The following RARB variants were observed in gnomAD, a reference collection of about 807,000 sequenced individuals.
RARB encodes the protein retinoic acid receptor beta.
A neutral mutation model predicts 51.9 loss-of-function variants in RARB; 17 were observed. The observed-to-expected ratio is 0.33, with a 90% confidence interval of 0.22 to 0.49. The LOEUF (loss-of-function observed/expected upper bound fraction) is 0.49. RARB is among the 20% of genes least tolerant of loss of function. The probability of loss-of-function intolerance (pLI) is 0.99; values close to 1 mark genes in which losing one functional copy is unlikely to be tolerated. For missense variants in RARB, 369 were observed against 550.8 expected (o/e 0.67, Z 3.30); for synonymous variants, 215 against 195.4 (o/e 1.10, Z -0.84).
At chr3:25,250,617 G>A (rs1262654164) in intron 5 of RARB, among the ~76,000 whole-genome samples, 1 of 152,154 alleles carries the variant, frequency 6.6e-6, no homozygotes, top group Non-Finnish European at 1.5e-5. Context: ...GTGGCACCTG[G>A]CTGTGGGCAA....
intron 2 of RARB, among the ~76,000 whole-genome samples, chr3:25,471,159 A>G (rs980358040): frequency 6.6e-6 from 1 of 152,230 alleles, no homozygotes; most frequent in African/African-American, 2.4e-5. Context: ...AATTATATAT[A>G]AACAGGACAA....
At chr3:25,381,910 C>G (rs960884497) in intron 5 of RARB, among the ~76,000 whole-genome samples, 2 of 152,172 alleles carry the variant, frequency 1.3e-5, no homozygotes, top group Non-Finnish European at 2.9e-5. Flanking sequence ...TCTCTACTCT[C>G]AAGCTGCATT....
intron 2 of RARB, among the ~76,000 whole-genome samples, chr3:25,491,526 G>A (rs183420591): frequency 1.4e-4 from 21 of 152,198 alleles, no homozygotes; most frequent in African/African-American, 4.3e-4. Context: ...AGACTGCCAC[G>A]TCCTCATAAA....
intron 2 of RARB, among the ~76,000 whole-genome samples, chr3:25,463,539 T>C (rs1371722846): frequency 1.3e-5 from 2 of 152,016 alleles, no homozygotes; most frequent in African/African-American, 4.8e-5. Flanking sequence ...GGCGCTTGCC[T>C]GTAGTCCCAG....
chr3:24,909,969 C>G (rs1252085646), intron 2 of RARB, among the ~76,000 whole-genome samples: 1 of 152,090 alleles, frequency 6.6e-6, no homozygotes, highest in Non-Finnish European at 1.5e-5. Flanking sequence ...AACATTTATG[C>G]CGCAAAATTG....
At chr3:25,552,213 C>G (rs1362708183) in intron 3 of RARB, among the ~76,000 whole-genome samples, 1 of 152,088 alleles carries the variant, frequency 6.6e-6, no homozygotes, top group East Asian at 1.9e-4. Flanking sequence ...TGTGCAATTT[C>G]CTGAATTTGG....
chr3:25,493,258 C>T (rs1696838078), intron 2 of RARB, among the ~76,000 whole-genome samples: 1 of 152,146 alleles, frequency 6.6e-6, no homozygotes, highest in South Asian at 2.1e-4. Flanking sequence ...AAAAGGTCTT[C>T]ACTTTTCTCT....
intron 1 of RARB, among the ~76,000 whole-genome samples, chr3:24,851,485 G>A (rs1004513418): frequency 6.6e-6 from 1 of 151,282 alleles, no homozygotes; most frequent in Non-Finnish European, 1.5e-5. Flanking sequence ...AAGATTTTCA[G>A]CTGATGCGGT....
At chr3:25,255,166 C>T (rs985560967) in intron 5 of RARB, among the ~76,000 whole-genome samples, 4 of 152,156 alleles carry the variant, frequency 2.6e-5, no homozygotes, top group African/African-American at 7.2e-5. Flanking sequence ...ACTTAGTTCT[C>T]TCATGCAGTC....
intron 5 of RARB, among the ~76,000 whole-genome samples, chr3:25,234,248 C>A (rs1345739628): frequency 6.6e-6 from 1 of 152,114 alleles, no homozygotes; most frequent in Non-Finnish European, 1.5e-5. Flanking sequence ...TATATGTAGA[C>A]TATCCAAGTT....
At position 24,921,835 on chromosome 3, in the gene RARB, G is replaced by A. The variant is rs573423473; in HGVS notation, c.-380+63083G>A. On this transcript the variant is annotated intron_variant, in intron 2 of 11. Transcript: ENST00000383772. ...TAGCAATCCAATGCAGCAATTCTTA[G>A]ATGATGCAGAATCCTAAGAAATTAT... 3.3e-5 allele frequency among the ~76,000 whole-genome samples: 5 copies of A among 152,328 alleles called. No individual in the cohort carries two copies. In the East Asian group the frequency reaches 9.6e-4, roughly 29 times the overall value.
intron 5 of RARB, among the ~76,000 whole-genome samples, chr3:25,298,184 C>CTT (rs5847347): frequency 1.5e-5 from 2 of 136,962 alleles, no homozygotes; most frequent in Non-Finnish European, 1.6e-5. Flanking sequence ...GCTACCAAAT[C>CTT]TTTTTTTTTT....
At chr3:24,908,957 G>C (rs1409522303) in intron 2 of RARB, among the ~76,000 whole-genome samples, 1 of 151,932 alleles carries the variant, frequency 6.6e-6, no homozygotes, top group Non-Finnish European at 1.5e-5. Flanking sequence ...TTTTTTCCAT[G>C]ATATGTCAAT....
intron 3 of RARB, among the ~76,000 whole-genome samples, chr3:25,081,465 C>T (rs1038829656): frequency 3.3e-5 from 5 of 149,480 alleles, no homozygotes; most frequent in Non-Finnish European, 5.9e-5. Context: ...TATTCTACAT[C>T]ATTACTGATT....
intron 5 of RARB, among the ~76,000 whole-genome samples, chr3:25,325,387 C>T (rs1704684750): frequency 6.6e-6 from 1 of 152,086 alleles, no homozygotes; most frequent in Non-Finnish European, 1.5e-5. Context: ...TCTTTGTGTC[C>T]TGTACCTTCT....
intron 1 of RARB, among the ~76,000 whole-genome samples, 186 bp from the exon 2 acceptor site, chr3:25,461,007 G>A (rs565986137): frequency 8.7e-4 from 132 of 152,252 alleles, no homozygotes; most frequent in Non-Finnish European, 1.2e-3. Flanking sequence ...TTTGTAAACC[G>A]TAGAGTACCA....
rs563513842 is a variant in RARB, at chr3:25,552,413, C to T, written c.449-17345C>T. Among the ~76,000 whole-genome samples the T allele has an allele frequency of 9.9e-5, 15 of 151,832 alleles. No individual in the cohort carries two copies. In the East Asian group the frequency reaches 1.9e-3, roughly 20 times the overall value. ...GAAAATGGCTGGGGTTGGGGGAGGG[C>T]GGCCAATTCTTGCTGACTGTGCTTT... is the stretch of plus-strand genomic sequence containing the variant. On this transcript the variant is annotated intron_variant, in intron 3 of 7. Coordinates refer to ENST00000330688, the MANE Select transcript of RARB (RefSeq NM_000965.5).
intron 5 of RARB, among the ~76,000 whole-genome samples, chr3:25,330,286 G>A (rs907012043): frequency 6.6e-6 from 1 of 152,176 alleles, no homozygotes; most frequent in African/African-American, 2.4e-5. Flanking sequence ...TACCCACAAA[G>A]GGAAGCCCAT....
rs1249456325 is a variant in RARB, at chr3:25,428,423, C to T, written c.-309C>T. On this transcript the variant is annotated 5_prime_UTR_variant, in exon 1 of 8. Transcript: ENST00000330688. Reference sequence around the variant, plus strand: ...GTCTGGGCACCGTCGGGGTAGGATCCGGAACGCATTCGGAAGGCTTTTTGC... The same window carrying T: ...GTCTGGGCACCGTCGGGGTAGGATCTGGAACGCATTCGGAAGGCTTTTTGC... The T allele has an allele frequency of 1.5e-5, 19 of 1,276,132 alleles. No individual in the cohort carries two copies. Among genetic ancestry groups the T allele is most frequent in the Admixed American group, 7.4e-5 (2 of 26,890 alleles). 79.1% of individuals were successfully genotyped at this position (1,276,132 alleles called of 1,614,324 possible). A position where few individuals can be genotyped will look rare whatever the true frequency, so the allele number is the denominator to read the frequency against.
Sources: gnomAD v4.1 joint callset for allele counts (sites outside exome capture counted in the v4.1 genomes callset) on GRCh38, gnomAD v4.1.1 for gene constraint, MANE v1.5 for transcripts, NCBI Gene and HGNC (gene_info 2026-07-23, HGNC 2026-07-21) for gene names.